Variants in SBNO2 observed in about 807,000 individuals in gnomAD.
SBNO2 encodes the protein protein strawberry notch homolog 2.
A neutral mutation model predicts 146.3 loss-of-function variants in SBNO2; 89 were observed. That is an observed-to-expected ratio of 0.61 (90% CI 0.51 to 0.73). SBNO2 has a LOEUF of 0.73. Ranked by LOEUF, SBNO2 falls within the 30% of genes least tolerant of loss-of-function variation. The pLI, the probability that SBNO2 is intolerant of heterozygous loss-of-function variation, is 0.00. For synonymous variants in SBNO2, 1,147 were observed against 892.6 expected (o/e 1.29, Z -5.08); for missense variants, 2,092 against 2,003.7 (o/e 1.04, Z -0.84).
intron 6 of SBNO2, 78 bp downstream of exon 6, chr19:1,123,864 G>T: frequency 1.4e-6 from 2 of 1,426,628 alleles, no homozygotes; most frequent in Non-Finnish European, 9.6e-7. Flanking sequence ...TCCCCACAAT[G>T]GAGATGCCTG....
chr19:1,115,722 G>A (rs897438926), intron 17 of SBNO2: 4 of 507,306 alleles, frequency 7.9e-6, no homozygotes, highest in African/African-American at 3.9e-5. Context: ...CCCTGAAAAC[G>A]GAAGGTGGGA....
At position 1,160,375 on chromosome 19, in the gene SBNO2, G is replaced by C. The variant is rs112191572; in HGVS notation, c.-126-5973C>G. Among the ~76,000 whole-genome samples, 259 of 152,326 alleles carry C rather than the reference G, an allele frequency of 1.7e-3. 2 individuals carry two copies. Among genetic ancestry groups the C allele is most frequent in the African/African-American group, 6.0e-3 (248 of 41,582 alleles). On this transcript the variant is annotated intron_variant, in intron 1 of 31. Coordinates refer to ENST00000361757, the MANE Select transcript of SBNO2 (RefSeq NM_014963.3). ...CCACACCCCTGCCCAGGCCTCGGGG[G>C]GTCTGCGGGGCGGCCTCACAGGAGG...
rs370823591 is a variant in SBNO2 at position 1,109,305 on chromosome 19, C to T, written c.3335G>A (p.Arg1112His). Residue 1112 changes from arginine to histidine, a missense_variant, in exon 29 of 32, where the codon CGC becomes CAC. Arg to His is a conservative substitution (Grantham distance 29, BLOSUM62 0). Coordinates refer to ENST00000361757, the MANE Select transcript of SBNO2 (RefSeq NM_014963.3). This position sits in a 1 kb window ranked among gnomAD's most constrained non-coding sequence, Gnocchi z 4.2. ...SQLEALDSLR[R>H]KFHRVTAEEA... Reference sequence around the variant, plus strand: ...GCGGCCGCCTACCCGGTGGAACTTGCGGCGGAGGCTGTCCAGGGCCTCCAG... The same window carrying T: ...GCGGCCGCCTACCCGGTGGAACTTGTGGCGGAGGCTGTCCAGGGCCTCCAG... The T allele has an allele frequency of 3.1e-6, 5 of 1,595,892 alleles. No homozygotes were observed. Among genetic ancestry groups the T allele is most frequent in the Admixed American group, 1.7e-5 (1 of 57,882 alleles).
In SBNO2 at chr19:1,112,554, G is replaced by A. The variant is rs759499542; in HGVS notation, c.2380-17C>T. ...GGCCACGAGCTAGGGGGAAAGAAGG[G>A]GCCGGGACACGGTTGGTGCAAGGCC... is the stretch of plus-strand genomic sequence containing the variant. On this transcript the variant is annotated splice_polypyrimidine_tract_variant and intron_variant, in intron 20 of 31. Transcript: ENST00000361757. The surrounding 1 kb of genome is among the most constrained non-coding windows in gnomAD (Gnocchi z 5.9). 9 of 1,588,466 alleles carry A rather than the reference G, an allele frequency of 5.7e-6. No homozygotes were observed. The highest frequency in any genetic ancestry group is 6.8e-6 in the Non-Finnish European group (8 of 1,173,108).
At chr19:1,142,225 CT>C (rs1678427385) in intron 4 of SBNO2, among the ~76,000 whole-genome samples, 8 of 132,984 alleles carry the variant, frequency 6.0e-5, no homozygotes, top group East Asian at 2.5e-4. Flanking sequence ...TCAACCCTCC[CT>C]CAATGACCTC....
In SBNO2 at chr19:1,119,913, G is replaced by A. The variant is rs557802573; in HGVS notation, c.1260C>T (p.Ser420=). The change falls in exon 12 of 32, where the codon AGC becomes AGT. Residue 420 remains serine, a synonymous_variant. Coordinates refer to ENST00000361757, the MANE Select transcript of SBNO2 (RefSeq NM_014963.3). ...KLPLARVVYA[S]ATGASEPRNM... is the part of the protein sequence containing the mutation. ...GGATCCGCACCGCCCCACCTGTGGCGCTGGCGTAGACCACGCGGGCCAGGG... is the reference window on the plus strand; with the variant it reads ...GGATCCGCACCGCCCCACCTGTGGCACTGGCGTAGACCACGCGGGCCAGGG... 53 of 1,546,074 alleles carry A rather than the reference G, an allele frequency of 3.4e-5. No individual in the cohort carries two copies. Among genetic ancestry groups the A allele is most frequent in the East Asian group, 1.7e-4 (7 of 40,950 alleles).
chr19:1,125,441 T>C (rs540119446), intron 5 of SBNO2, among the ~76,000 whole-genome samples: 1 of 150,704 alleles, frequency 6.6e-6, no homozygotes, highest in South Asian at 2.1e-4. Flanking sequence ...GAGGCCAAGA[T>C]AGGTGGATCA....
chr19:1,123,476 T>C (rs1400465258), intron 7 of SBNO2, 58 bp downstream of exon 7: 3 of 1,457,284 alleles, frequency 2.1e-6, no homozygotes, highest in South Asian at 1.2e-5. Flanking sequence ...CTGCAGGGTC[T>C]CGGTCCCACA....
rs1002894218 is a variant in SBNO2 at position 1,157,334 on chromosome 19, A to G, written c.-126-2932T>C. Among the ~76,000 whole-genome samples the G allele has an allele frequency of 6.6e-6, 1 of 150,942 alleles. No homozygotes were observed. The highest frequency in any genetic ancestry group is 2.1e-4 in the South Asian group (1 of 4,806). ...CACCCCAACGCAGCCTCTGCCACGC[A>G]GCCCCGGAGACGCTCTCCCCACGCG... On this transcript the variant is annotated intron_variant, in intron 1 of 31. Coordinates refer to ENST00000361757, the MANE Select transcript of SBNO2 (RefSeq NM_014963.3). The surrounding 1 kb of genome is among the most constrained non-coding windows in gnomAD (Gnocchi z 6.8).
Position 1,173,145 on chromosome 19 carries a change from G to A in SBNO2, c.-127+1027C>T, listed in dbSNP as rs926208025. On this transcript the variant is annotated intron_variant, in intron 1 of 31. Coordinates refer to ENST00000361757, the MANE Select transcript of SBNO2 (RefSeq NM_014963.3). The surrounding 1 kb of genome is among the most constrained non-coding windows in gnomAD (Gnocchi z 4.7). ...GCCCCCCACGCCCCAGGTCAGTCTGGGGATTGGTCCCTCCAGGCCCCACCT... is the reference window on the plus strand; with the variant it reads ...GCCCCCCACGCCCCAGGTCAGTCTGAGGATTGGTCCCTCCAGGCCCCACCT... Among the ~76,000 whole-genome samples, 7 of 152,134 alleles carry A rather than the reference G, an allele frequency of 4.6e-5. No individual in the cohort carries two copies. The highest frequency in any genetic ancestry group is 1.7e-4 in the African/African-American group (7 of 41,418).
At chr19:1,171,978 G>A (rs1417950664) in intron 1 of SBNO2, among the ~76,000 whole-genome samples, 1 of 152,180 alleles carries the variant, frequency 6.6e-6, no homozygotes, top group African/African-American at 2.4e-5. Flanking sequence ...CAAACTGAGA[G>A]TGAATGGATG....
rs1418472398 is a variant in SBNO2, at chr19:1,116,928, T to C, written c.1705-2A>G. 6.4e-7 allele frequency: 1 copy of C among 1,552,300 alleles called. No individual in the cohort carries two copies. Among genetic ancestry groups the C allele is most frequent in the Non-Finnish European group, 8.7e-7 (1 of 1,154,796 alleles). ...GGACTGCAGCCCGATGACCACGCAC[T>C]GTGGGACGGCAGAGGACTGTGAGCC... On this transcript the variant is annotated splice_acceptor_variant, in intron 15 of 31. Transcript: ENST00000361757. LOFTEE classifies it high-confidence loss of function.
At chr19:1,161,534 T>TG (rs1248217041) in intron 1 of SBNO2, among the ~76,000 whole-genome samples, 1 of 14,424 alleles carries the variant, frequency 6.9e-5, no homozygotes, top group Admixed American at 9.7e-4. Context: ...GCCTGAGCAC[T>TG]GGGGGGGTGG....
chr19:1,142,629 G>T (rs932164648), intron 4 of SBNO2, among the ~76,000 whole-genome samples: 1 of 152,056 alleles, frequency 6.6e-6, no homozygotes, highest in South Asian at 2.1e-4. Flanking sequence ...GCAGTGAGCC[G>T]AGATTGCACC....
At chr19:1,132,321 G>A in intron 4 of SBNO2, 1 of 1,289,530 alleles carries the variant, frequency 7.8e-7, no homozygotes, top group Non-Finnish European at 9.8e-7. Context: ...GGCCGGGGCT[G>A]ACTTTCAGGA....
At chr19:1,125,942 T>G (rs1165541162) in intron 5 of SBNO2, among the ~76,000 whole-genome samples, 1 of 152,154 alleles carries the variant, frequency 6.6e-6, no homozygotes, top group Non-Finnish European at 1.5e-5. Flanking sequence ...TGAAATGGGC[T>G]GAGGTTGCGC....
intron 15 of SBNO2, 73 bp from the exon 16 acceptor site, chr19:1,116,999 C>T: frequency 7.2e-7 from 1 of 1,388,064 alleles, no homozygotes; most frequent in South Asian, 1.3e-5. Context: ...CCTGCCAGGC[C>T]TGGGGTGATG....
intron 4 of SBNO2, among the ~76,000 whole-genome samples, chr19:1,139,994 G>A (rs987768481): frequency 2.6e-5 from 4 of 151,370 alleles, no homozygotes; most frequent in South Asian, 2.1e-4. Context: ...AGAAAAGAAA[G>A]AAAGAAAATA....
Position 1,171,066 on chromosome 19 carries a change from C to A in SBNO2, c.-127+3106G>T, listed in dbSNP as rs950067174. ...ACTCATGAACATGGGTACACACAGG[C>A]ACACACACAACACAAACACGGGTGC... is the stretch of plus-strand genomic sequence containing the variant. On this transcript the variant is annotated intron_variant, in intron 1 of 31. Transcript: ENST00000361757. Among the ~76,000 whole-genome samples the A allele has an allele frequency of 1.3e-4, 19 of 151,926 alleles. 1 individual carries two copies. The highest frequency in any genetic ancestry group is 2.8e-4 in the Non-Finnish European group (19 of 67,970).
Sources: allele counts gnomAD v4.1 joint callset (sites outside exome capture counted in the v4.1 genomes callset), GRCh38; gene constraint gnomAD v4.1.1; non-coding constraint Gnocchi (gnomAD v3.1); transcripts MANE v1.5; gene names NCBI Gene and HGNC (gene_info 2026-07-23, HGNC 2026-07-21).